RANBP17: variants seen among roughly 807,000 people sequenced by gnomAD.
The protein encoded by RANBP17 is RAN binding protein 17, also known as ran-binding protein 17.
In RANBP17, 158 loss-of-function variants were observed where a neutral mutation model predicts 141.2. That is an observed-to-expected ratio of 1.12 (90% CI 0.98 to 1.28). RANBP17 has a LOEUF of 1.28. Among genes scored for constraint, RANBP17 ranks in the 50% most tolerant of loss-of-function variants. The probability of loss-of-function intolerance (pLI) is 0.00; values close to 1 mark genes in which losing one functional copy is unlikely to be tolerated. For missense variants in RANBP17, 1,438 were observed against 1,290.7 expected, an observed-to-expected ratio of 1.11 and a Z score of -1.75; for synonymous variants, 430 against 450.0, an observed-to-expected ratio of 0.96 and a Z score of 0.56.
At chr5:171,015,423 A>G (rs1780358227) in intron 14 of RANBP17, among the ~76,000 whole-genome samples, 1 of 151,976 alleles carries the variant, frequency 6.6e-6, no homozygotes, top group Non-Finnish European at 1.5e-5. Context: ...TCTCTTATTA[A>G]TCATATCCAG....
At chr5:170,925,259 AT>A (rs1322577120) in intron 12 of RANBP17, among the ~76,000 whole-genome samples, 2 of 152,116 alleles carry the variant, frequency 1.3e-5, no homozygotes, top group Non-Finnish European at 1.5e-5. Context: ...ACTTAAAAAA[AT>A]TTTTAGAAGA....
chr5:171,290,676 T>C (rs1426220650), intron 25 of RANBP17, among the ~76,000 whole-genome samples: 1 of 152,240 alleles, frequency 6.6e-6, no homozygotes, highest in African/African-American at 2.4e-5. Flanking sequence ...CTGAACTGTT[T>C]CCTATTTTGG....
At chr5:170,862,928 G>C (rs1280872496) in intron 1 of RANBP17, among the ~76,000 whole-genome samples, 2 of 152,218 alleles carry the variant, frequency 1.3e-5, no homozygotes, top group African/African-American at 4.8e-5. Flanking sequence ...ACAGAAAAGG[G>C]GGTAGCCAGC....
chr5:171,296,784 G>C (rs943710995), intron 27 of RANBP17, among the ~76,000 whole-genome samples: 1 of 152,128 alleles, frequency 6.6e-6, no homozygotes, highest in East Asian at 1.9e-4. Flanking sequence ...ATGGTGGCAC[G>C]TGCCTGTAGT....
intron 14 of RANBP17, among the ~76,000 whole-genome samples, chr5:170,971,094 T>C (rs2127534303): frequency 6.6e-6 from 1 of 152,310 alleles, no homozygotes; most frequent in Non-Finnish European, 1.5e-5. Context: ...CTGACTTGAG[T>C]GAAATTATTC....
At chr5:170,925,024 G>A (rs1412913825) in intron 12 of RANBP17, 1 of 152,034 alleles carries the variant, frequency 6.6e-6, no homozygotes, top group African/African-American at 2.4e-5. Flanking sequence ...TGACGGAGGA[G>A]GTATTTATTT....
chr5:170,924,242 G>GC, intron 11 of RANBP17, 115 bp from the exon 12 acceptor site: 1 of 661,580 alleles, frequency 1.5e-6, no homozygotes. Context: ...TGAACCTCCT[G>GC]CCTCTGTCTT....
chr5:171,103,909 C>T lies in RANBP17; in HGVS notation c.1711-66221C>T, dbSNP rs543367540. Among the ~76,000 whole-genome samples the T allele has an allele frequency of 1.1e-4, 16 of 152,320 alleles. No individual in the cohort carries two copies. The East Asian group carries it at 1.9e-3, about 18-fold the overall frequency. On this transcript the variant is annotated intron_variant, in intron 14 of 27. Transcript: ENST00000523189. The stretch of plus-strand genomic sequence containing the variant: ...AGGTGGTGCCCCACCCACCCTTCTT[C>T]GGCTCGCCCTCTGTGGACTGTACCC...
intron 14 of RANBP17, among the ~76,000 whole-genome samples, chr5:171,067,052 C>T (rs1784353207): frequency 6.6e-6 from 1 of 152,054 alleles, no homozygotes. Flanking sequence ...CTTAGTTGTG[C>T]TATTTTGCTG....
chr5:171,251,780 T>A, intron 24 of RANBP17: 1 of 1,052,490 alleles, frequency 9.5e-7, no homozygotes, highest in African/African-American at 1.6e-5. Flanking sequence ...CGCCCCCGCC[T>A]CTGTGATTGG....
At chr5:171,125,223 G>T (rs1242455432) in intron 14 of RANBP17, among the ~76,000 whole-genome samples, 1 of 147,944 alleles carries the variant, frequency 6.8e-6, no homozygotes, top group Non-Finnish European at 1.5e-5. Context: ...CTTGAACCCA[G>T]TAGGTGGAGG....
chr5:171,113,198 C>T (rs982888563), intron 14 of RANBP17, among the ~76,000 whole-genome samples: 5 of 152,142 alleles, frequency 3.3e-5, no homozygotes, highest in Non-Finnish European at 7.4e-5. Context: ...CATCATCTGC[C>T]CTTCATGTGA....
chr5:171,273,936 A>G (rs191078729), intron 25 of RANBP17, among the ~76,000 whole-genome samples: 3 of 152,184 alleles, frequency 2.0e-5, no homozygotes, highest in Admixed American at 6.5e-5. Flanking sequence ...TACTTTTACT[A>G]TACTTGTCTA....
At chr5:170,926,890 C>T (rs1428014104) in intron 12 of RANBP17, among the ~76,000 whole-genome samples, 1 of 152,120 alleles carries the variant, frequency 6.6e-6, no homozygotes, top group Non-Finnish European at 1.5e-5. Context: ...ACTCACTGCT[C>T]TACTTCTTGC....
intron 12 of RANBP17, among the ~76,000 whole-genome samples, chr5:170,940,939 T>TA (rs199578359): frequency 2.8e-3 from 417 of 149,974 alleles, no homozygotes; most frequent in African/African-American, 9.7e-3. Context: ...GCTGATTGGT[T>TA]AAAAAAAAAC....
intron 14 of RANBP17, among the ~76,000 whole-genome samples, chr5:171,064,423 A>T (rs987199533): frequency 6.6e-6 from 1 of 152,258 alleles, no homozygotes; most frequent in Non-Finnish European, 1.5e-5. Flanking sequence ...ATGAAATTAC[A>T]TATGTTTTTA....
In RANBP17 at chr5:171,205,616, T is replaced by A; in HGVS notation, c.2231+4T>A. The A allele has an allele frequency of 6.2e-7, 1 of 1,609,812 alleles. No homozygotes were observed. Among genetic ancestry groups the A allele is most frequent in the Non-Finnish European group, 8.5e-7 (1 of 1,176,144 alleles). ...ACACCATGCTGTTTGACTGGATGTA[T>A]CCTTATTACACTGTGACAATACCAG... On this transcript the variant is annotated splice_donor_region_variant and intron_variant, in intron 20 of 27. Transcript: ENST00000523189.
chr5:171,171,914 A>G (rs1475246494), intron 16 of RANBP17, among the ~76,000 whole-genome samples: 1 of 151,990 alleles, frequency 6.6e-6, no homozygotes, highest in Non-Finnish European at 1.5e-5. Context: ...TTAAAATTCT[A>G]AAACCAAGAA....
chr5:171,123,445 G>C (rs941447192), intron 14 of RANBP17, among the ~76,000 whole-genome samples: 2 of 152,186 alleles, frequency 1.3e-5, no homozygotes, highest in Non-Finnish European at 2.9e-5. Context: ...GGGGGTCAAG[G>C]GTTTAAGTTA....
Sources: allele counts gnomAD v4.1 joint callset (sites outside exome capture counted in the v4.1 genomes callset), GRCh38; gene constraint gnomAD v4.1.1; transcripts MANE v1.5; gene names NCBI Gene and HGNC (gene_info 2026-07-23, HGNC 2026-07-21).